KCNQ1: variants seen among roughly 807,000 people sequenced by gnomAD.
KCNQ1 encodes potassium voltage-gated channel subfamily KQT member 1.
A neutral mutation model predicts 72.4 loss-of-function variants in KCNQ1; 49 were observed. The observed-to-expected ratio is 0.68, with a 90% CI of 0.54 to 0.86. The LOEUF (loss-of-function observed/expected upper bound fraction) is 0.86, where lower values mean the gene tolerates loss of function less well. Ranked by LOEUF, KCNQ1 falls within the 40% of genes least tolerant of loss-of-function variation. The probability of loss-of-function intolerance (pLI) is 0.00; values close to 1 mark genes in which losing one functional copy is unlikely to be tolerated. For missense variants in KCNQ1, 790 were observed against 945.1 expected (o/e 0.84, Z 2.15); for synonymous variants, 450 against 412.6 (o/e 1.09, Z -1.10).
chr11:2,628,664 G>A lies in KCNQ1; in HGVS notation c.1394-33297G>A, dbSNP rs571562295. ...TGATGTAGTTCTAATTTATTTTTGC[G>A]TTTTATTCCTTGTGCTTTTGATGTC... On this transcript the variant is annotated intron_variant, in intron 10 of 15. Transcript: ENST00000155840. The A allele has an allele frequency of 1.3e-4, 52 of 398,146 alleles. No homozygotes were observed. Among genetic ancestry groups the A allele is most frequent in the African/African-American group, 7.4e-4 (36 of 48,656 alleles). The allele number at this position is 398,146 out of a possible 1,614,324, so 24.7% of individuals were successfully genotyped here. A position where few individuals can be genotyped will look rare whatever the true frequency, so the allele number is the denominator to read the frequency against.
intron 11 of KCNQ1, among the ~76,000 whole-genome samples, chr11:2,718,699 G>A (rs1340553091): frequency 1.3e-5 from 2 of 152,190 alleles, no homozygotes; most frequent in Non-Finnish European, 2.9e-5. Context: ...TATCTGTCAG[G>A]GGAAGGGCAG....
At chr11:2,582,200 G>A (rs957402298) in intron 6 of KCNQ1, among the ~76,000 whole-genome samples, 7 of 152,224 alleles carry the variant, frequency 4.6e-5, no homozygotes, top group Non-Finnish European at 8.8e-5. Context: ...CTGGGCAGTC[G>A]CGTGAGCCGT....
rs1848348163 is a variant in KCNQ1 at position 2,572,196 on chromosome 11, G to A, written c.780+87G>A. ...AGCCCACACTAGGACAGCTTGAGAT[G>A]CGCTGAGGCCCCGGGGGCCGGTGGG... On this transcript the variant is annotated intron_variant, in intron 5 of 15. Transcript: ENST00000155840. The A allele has an allele frequency of 3.0e-6, 3 of 1,004,894 alleles. No individual in the cohort carries two copies. The East Asian group carries it at 7.7e-5, about 26-fold the overall frequency. 62.2% of individuals were successfully genotyped at this position (1,004,894 alleles called of 1,614,324 possible). A position where few individuals can be genotyped will look rare whatever the true frequency, so the allele number is the denominator to read the frequency against.
rs886628611 is a variant in KCNQ1, at chr11:2,495,725, T to C, written c.387-32203T>C. Among the ~76,000 whole-genome samples, 10 of 152,258 alleles carry C rather than the reference T, an allele frequency of 6.6e-5. No homozygotes were observed. Among genetic ancestry groups the C allele is most frequent in the African/African-American group, 2.4e-4 (10 of 41,468 alleles). On this transcript the variant is annotated intron_variant, in intron 1 of 15. Coordinates refer to ENST00000155840, the MANE Select transcript of KCNQ1 (RefSeq NM_000218.3). The surrounding 1 kb of genome is among the most constrained non-coding windows in gnomAD (Gnocchi z 4.6). ...GACTGTTTGTTATGATTTCCATTCT[T>C]TGGCATTTGCTGAGGAGTGTTTTAC...
chr11:2,614,936 C>A (rs1175464994), intron 10 of KCNQ1: 4 of 398,124 alleles, frequency 1.0e-5, no homozygotes, highest in Non-Finnish European at 1.8e-5. Context: ...ATAAAAAGGC[C>A]CTTGGGATTT....
chr11:2,658,827 C>T lies in KCNQ1; in HGVS notation c.1394-3134C>T. The T allele has an allele frequency of 2.5e-6, 1 of 398,522 alleles. No individual in the cohort carries two copies. 24.7% of individuals were successfully genotyped at this position (398,522 alleles called of 1,614,324 possible). A position where few individuals can be genotyped will look rare whatever the true frequency, so the allele number is the denominator to read the frequency against. On this transcript the variant is annotated intron_variant, in intron 10 of 15. Transcript: ENST00000155840. This position sits in a 1 kb window ranked among gnomAD's most constrained non-coding sequence, Gnocchi z 4.9. Reference sequence around the variant, plus strand: ...CCCCACAACTTATTTATAGCTTTTTCTCTGACAGCTAGAAACCTGGCTCCC... The same window carrying T: ...CCCCACAACTTATTTATAGCTTTTTTTCTGACAGCTAGAAACCTGGCTCCC...
At chr11:2,829,466 A>G (rs970614794) in intron 15 of KCNQ1, among the ~76,000 whole-genome samples, 3 of 152,258 alleles carry the variant, frequency 2.0e-5, no homozygotes, top group Non-Finnish European at 4.4e-5. Flanking sequence ...GGAAAACAAG[A>G]AGATGTAATC....
rs184655467 is a variant in KCNQ1, at chr11:2,658,251, T to C, written c.1394-3710T>C. ...TTTCCTGCAGCAAATATTACCGTGA[T>C]GTACTTCTATTTTCCTCATTCCTTC... On this transcript the variant is annotated intron_variant, in intron 10 of 15. Coordinates refer to ENST00000155840, the MANE Select transcript of KCNQ1 (RefSeq NM_000218.3). This position sits in a 1 kb window ranked among gnomAD's most constrained non-coding sequence, Gnocchi z 4.9. 138 of 398,636 alleles carry C rather than the reference T, an allele frequency of 3.5e-4. No homozygotes were observed. The highest frequency in any genetic ancestry group is 3.5e-3 in the East Asian group (97 of 28,070). The allele number at this position is 398,636 out of a possible 1,614,324, so 24.7% of individuals were successfully genotyped here.
Position 2,710,830 on chromosome 11 carries a change from ATTTG to A in KCNQ1, c.1514+48755_1514+48758del, listed in dbSNP as rs1850989758. ...CTGGATTCTCAATTTTATTCTATTG[ATTTG>A]TTTGTCTATCCTTATGCCAGTACTA... On this transcript the variant is annotated intron_variant, in intron 11 of 15. Transcript: ENST00000155840. The surrounding 1 kb of genome is among the most constrained non-coding windows in gnomAD (Gnocchi z 4.1). Among the ~76,000 whole-genome samples the A allele has an allele frequency of 1.3e-5, 2 of 152,288 alleles. No individual in the cohort carries two copies. The highest frequency in any genetic ancestry group is 1.9e-4 in the East Asian group (1 of 5,188).
Position 2,600,845 on chromosome 11 carries a change from G to A in KCNQ1, c.1393+11991G>A, listed in dbSNP as rs1433946143. 6.6e-6 allele frequency among the ~76,000 whole-genome samples: 1 copy of A among 152,054 alleles called. No individual in the cohort carries two copies. Among genetic ancestry groups the A allele is most frequent in the Non-Finnish European group, 1.5e-5 (1 of 68,022 alleles). On this transcript the variant is annotated intron_variant, in intron 10 of 15. Transcript: ENST00000155840. The surrounding 1 kb of genome is among the most constrained non-coding windows in gnomAD (Gnocchi z 5.6). The stretch of plus-strand genomic sequence containing the variant: ...GATACAGTCCTGCCACTTCTTGGGG[G>A]AGTCTGATGTTTCCTCAGGTTAGAT...
chr11:2,533,211 T>G (rs1281339957), intron 2 of KCNQ1, among the ~76,000 whole-genome samples: 1 of 152,212 alleles, frequency 6.6e-6, no homozygotes, highest in African/African-American at 2.4e-5. Context: ...AAAGCTGTTA[T>G]CTCAGCACTG....
At chr11:2,842,187 G>A (rs756366306) in intron 15 of KCNQ1, among the ~76,000 whole-genome samples, 7 of 151,944 alleles carry the variant, frequency 4.6e-5, no homozygotes, top group South Asian at 2.1e-4. Flanking sequence ...CACCACAGGC[G>A]CCAGTCCCGA....
rs1300427432 is a variant in KCNQ1, at chr11:2,661,971, C to T, written c.1404C>T (p.Ser468=). 6.2e-7 allele frequency: 1 copy of T among 1,614,060 alleles called. No homozygotes were observed. The highest frequency in any genetic ancestry group is 8.5e-7 in the Non-Finnish European group (1 of 1,180,048). ...ACACTTTCTCCTCAGTAAGGAAGAG[C>T]CCAACACTGCTGGAAGTGAGCATGC... The part of the protein sequence containing the change: ...VDGYDSSVRK[S]PTLLEVSMPH... Residue 468 remains serine (S), a synonymous_variant, in exon 11 of 16, where the codon AGC becomes AGT. Transcript: ENST00000155840. This position sits in a 1 kb window ranked among gnomAD's most constrained non-coding sequence, Gnocchi z 5.9.
intron 11 of KCNQ1, chr11:2,666,120 G>A (rs1375623450): frequency 1.5e-5 from 6 of 398,606 alleles, no homozygotes. Flanking sequence ...TCTCTGAAGG[G>A]CCCCTGTCTC....
At chr11:2,551,809 A>G (rs1436610364) in intron 2 of KCNQ1, among the ~76,000 whole-genome samples, 5 of 152,204 alleles carry the variant, frequency 3.3e-5, no homozygotes, top group African/African-American at 1.2e-4. Context: ...GGCTGGAGCC[A>G]TATTCCGTCA....
intron 15 of KCNQ1, among the ~76,000 whole-genome samples, chr11:2,840,767 A>T (rs1255753709): frequency 2.0e-5 from 3 of 152,230 alleles, no homozygotes; most frequent in Non-Finnish European, 2.9e-5. Flanking sequence ...GAGTCCTTAC[A>T]AATCAATGAA....
intron 2 of KCNQ1, among the ~76,000 whole-genome samples, chr11:2,528,999 C>T (rs945664677): frequency 1.3e-5 from 2 of 152,198 alleles, no homozygotes; most frequent in African/African-American, 4.8e-5. Flanking sequence ...CAGCCCTGAC[C>T]AGGTTAACTG....
At chr11:2,718,096 A>G (rs945614329) in intron 11 of KCNQ1, among the ~76,000 whole-genome samples, 1 of 152,140 alleles carries the variant, frequency 6.6e-6, no homozygotes, top group Non-Finnish European at 1.5e-5. Flanking sequence ...AGCCGGGTTG[A>G]CACCCGCGTG....
At chr11:2,733,851 C>CGCTCTCACTCTT (rs762297859) in intron 11 of KCNQ1, among the ~76,000 whole-genome samples, 1 of 70,762 alleles carries the variant, frequency 1.4e-5, no homozygotes, top group African/African-American at 8.7e-5. Context: ...CTCTCTCTCT[C>CGCTCTCACTCTT]TCTCTCCCCC....
Sources: gnomAD v4.1 joint callset for allele counts (sites outside exome capture counted in the v4.1 genomes callset) on GRCh38, gnomAD v4.1.1 for gene constraint, Gnocchi (gnomAD v3.1) non-coding constraint, MANE v1.5 for transcripts, NCBI Gene and HGNC (gene_info 2026-07-23, HGNC 2026-07-21) for gene names.